The following IL22RA2 variants were observed in gnomAD, a reference collection of about 807,000 sequenced individuals.
The protein encoded by IL22RA2 is interleukin-22 receptor subunit alpha-2.
Under a neutral mutation model 30.7 loss-of-function variants are expected in IL22RA2, and 39 were observed. That is an observed-to-expected ratio of 1.27 (90% confidence interval 0.98 to 1.66). The LOEUF (loss-of-function observed/expected upper bound fraction) is 1.66. Ranked by LOEUF, IL22RA2 falls within the 40% of genes most tolerant of loss-of-function variation. The probability of loss-of-function intolerance (pLI) is 0.00; values close to 1 mark genes in which losing one functional copy is unlikely to be tolerated. For synonymous variants in IL22RA2, 103 were observed against 105.0 expected (o/e 0.98, Z 0.11); for missense variants, 315 against 312.7 (o/e 1.01, Z -0.05).
intron 5 of IL22RA2, among the ~76,000 whole-genome samples, chr6:137,153,343 A>G (rs1462617268): frequency 6.6e-6 from 1 of 152,198 alleles, no homozygotes; most frequent in African/African-American, 2.4e-5. Context: ...TCAGTTTGAG[A>G]GACGTCTTGT....
At chr6:137,156,893 G>A (rs759815525) in intron 3 of IL22RA2, 39 bp from the exon 4 acceptor site, 8 of 1,588,258 alleles carry the variant, frequency 5.0e-6, no homozygotes, top group East Asian at 4.5e-5. Flanking sequence ...CGTGTGAAGA[G>A]GCCAAACTCA....
chr6:137,158,318 A>G (rs537997575), intron 3 of IL22RA2, 29 bp downstream of exon 3: 1 of 1,612,562 alleles, frequency 6.2e-7, no homozygotes, highest in Non-Finnish European at 8.5e-7. Context: ...TGCCATCTCT[A>G]TCAGCTGAAG....
At chr6:137,162,821 G>A (rs1054192337) in intron 1 of IL22RA2, among the ~76,000 whole-genome samples, 3 of 152,198 alleles carry the variant, frequency 2.0e-5, no homozygotes, top group African/African-American at 7.2e-5. Context: ...AGAGCCATGT[G>A]TGTGTCCTGG....
chr6:137,167,424 A>C (rs1778646842), intron 1 of IL22RA2, among the ~76,000 whole-genome samples: 1 of 152,216 alleles, frequency 6.6e-6, no homozygotes, highest in African/African-American at 2.4e-5. Flanking sequence ...GGGGATTTAA[A>C]AAATTGGGGA....
chr6:137,152,728 G>C (rs569864130), intron 5 of IL22RA2, among the ~76,000 whole-genome samples: 2 of 152,134 alleles, frequency 1.3e-5, no homozygotes, highest in Admixed American at 1.3e-4. Flanking sequence ...TCTCAATAAG[G>C]CTGTTTAAAA....
At chr6:137,172,552 T>C (rs950968465) in intron 1 of IL22RA2, among the ~76,000 whole-genome samples, 1 of 152,210 alleles carries the variant, frequency 6.6e-6, no homozygotes, top group African/African-American at 2.4e-5. Context: ...AATGCTGTTT[T>C]GTTTGGGAAG....
In IL22RA2 at chr6:137,152,816, G is replaced by A. The variant is rs372783338; in HGVS notation, c.472+2125C>T. 3.4e-4 allele frequency among the ~76,000 whole-genome samples: 51 copies of A among 152,234 alleles called. 1 individual carries two copies. Among genetic ancestry groups the A allele is most frequent in the African/African-American group, 1.1e-3 (44 of 41,530 alleles). On this transcript the variant is annotated intron_variant, in intron 5 of 6. Transcript: ENST00000296980. ...CTATGGGCTCTTGAACAAAATAGTT[G>A]CATGATGGAGGCTATATATAGACTT...
At chr6:137,147,486 T>C (rs1006706826) in intron 6 of IL22RA2, among the ~76,000 whole-genome samples, 8 of 152,090 alleles carry the variant, frequency 5.3e-5, no homozygotes, top group Non-Finnish European at 1.2e-4. Context: ...TACCAATCTT[T>C]AGATATGCAG....
At chr6:137,171,641 G>A (rs1217452756) in intron 1 of IL22RA2, among the ~76,000 whole-genome samples, 2 of 152,228 alleles carry the variant, frequency 1.3e-5, no homozygotes, top group African/African-American at 4.8e-5. Flanking sequence ...CTGAGACTGT[G>A]AGGCCTTGGG....
chr6:137,164,409 T>C (rs1005403277), intron 1 of IL22RA2, among the ~76,000 whole-genome samples: 2 of 152,174 alleles, frequency 1.3e-5, no homozygotes, highest in African/African-American at 4.8e-5. Context: ...CTTTGAGATC[T>C]ACTGTAAGAC....
chr6:137,153,369 T>C (rs1391344678), intron 5 of IL22RA2, among the ~76,000 whole-genome samples: 3 of 152,102 alleles, frequency 2.0e-5, no homozygotes, highest in Admixed American at 6.5e-5. Flanking sequence ...GGCATATGAA[T>C]TGGTAAATGC....
rs559272825 is a variant in IL22RA2, at chr6:137,147,532, G to A, written c.642+190C>T. ...AGAGACAAACCGGAGGATGGAAAGG[G>A]CACACACACATTCTGATGGTGATGC... On this transcript the variant is annotated intron_variant, in intron 6 of 6. Coordinates refer to ENST00000296980, the MANE Select transcript of IL22RA2 (RefSeq NM_052962.3). Among the ~76,000 whole-genome samples the A allele has an allele frequency of 7.2e-5, 11 of 152,210 alleles. No individual in the cohort carries two copies. In the South Asian group the frequency reaches 2.3e-3, roughly 32 times the overall value.
intron 4 of IL22RA2, among the ~76,000 whole-genome samples, 179 bp downstream of exon 4, chr6:137,156,580 G>A (rs76533009): frequency 0.013 from 2,054 of 152,236 alleles, 50 homozygotes; most frequent in African/African-American, 0.046. Context: ...CCCATGAACT[G>A]GATACACCAA....
chr6:137,157,752 G>A (rs1202001968), intron 3 of IL22RA2, among the ~76,000 whole-genome samples: 2 of 151,208 alleles, frequency 1.3e-5, no homozygotes, highest in African/African-American at 4.9e-5. Flanking sequence ...CAAGCCTTGA[G>A]CCAGGAAAGG....
chr6:137,150,010 A>C (rs748082284), intron 5 of IL22RA2, among the ~76,000 whole-genome samples: 30 of 152,214 alleles, frequency 2.0e-4, no homozygotes, highest in Non-Finnish European at 3.7e-4. Context: ...AAGTAATTCT[A>C]GGGTCAAATA....
At chr6:137,145,926 G>A (rs1242414068) in intron 6 of IL22RA2, among the ~76,000 whole-genome samples, 153 bp from the exon 7 acceptor site, 4 of 152,206 alleles carry the variant, frequency 2.6e-5, no homozygotes, top group Admixed American at 6.5e-5. Flanking sequence ...AGAGTCCTAG[G>A]CCATAGCCTG....
At chr6:137,149,588 T>C (rs1466150601) in intron 5 of IL22RA2, among the ~76,000 whole-genome samples, 1 of 152,214 alleles carries the variant, frequency 6.6e-6, no homozygotes, top group African/African-American at 2.4e-5. Context: ...ATAAGCCAAA[T>C]TCGGTCTCCT....
At chr6:137,147,959 T>C in intron 5 of IL22RA2, 68 bp from the exon 6 acceptor site, 2 of 1,404,258 alleles carry the variant, frequency 1.4e-6, no homozygotes, top group Non-Finnish European at 9.9e-7. Flanking sequence ...GCATTATGTA[T>C]AATGACAAAT....
chr6:137,150,959 G>C (rs1778277237), intron 5 of IL22RA2, among the ~76,000 whole-genome samples: 1 of 152,178 alleles, frequency 6.6e-6, no homozygotes, highest in African/African-American at 2.4e-5. Context: ...CCTTGCACCA[G>C]TTAGAAGAGG....
Sources: gnomAD v4.1 joint callset for allele counts (sites outside exome capture counted in the v4.1 genomes callset) on GRCh38, gnomAD v4.1.1 for gene constraint, MANE v1.5 for transcripts, NCBI Gene and HGNC (gene_info 2026-07-23, HGNC 2026-07-21) for gene names.